CNTNAP2: variants seen among roughly 807,000 people sequenced by gnomAD.
CNTNAP2 encodes the protein contactin associated protein 2, also known as contactin-associated protein-like 2.
CNTNAP2 carries 98 observed loss-of-function variants against 155.2 expected under a neutral mutation model. The observed-to-expected ratio is 0.63, with a 90% CI of 0.54 to 0.75. CNTNAP2 has a LOEUF of 0.75. Among genes scored for constraint, CNTNAP2 ranks in the 30% least tolerant of loss-of-function variants. The probability of loss-of-function intolerance (pLI) is 0.00; values close to 1 mark genes in which losing one functional copy is unlikely to be tolerated. For missense variants in CNTNAP2, 1,727 were observed against 1,688.1 expected, an observed-to-expected ratio of 1.02 and a Z score of -0.40; for synonymous variants, 651 against 631.2, an observed-to-expected ratio of 1.03 and a Z score of -0.47.
intron 8 of CNTNAP2, among the ~76,000 whole-genome samples, chr7:147,230,464 G>A (rs1803654507): frequency 6.6e-6 from 1 of 152,116 alleles, no homozygotes; most frequent in Non-Finnish European, 1.5e-5. Flanking sequence ...TGCCATGTTG[G>A]CCAGGATGGA....
At chr7:146,244,543 G>C (rs1300641119) in intron 1 of CNTNAP2, among the ~76,000 whole-genome samples, 1 of 152,158 alleles carries the variant, frequency 6.6e-6, no homozygotes, top group Non-Finnish European at 1.5e-5. Flanking sequence ...TAAAAGTATT[G>C]TCCAGTCCTT....
rs530883710 is a variant in CNTNAP2 at position 146,847,424 on chromosome 7, C to A, written c.402+7520C>A. ...ACGCAGATTCTTTAAGCTTTCTGTGCCTAAAGTTCCCAACCTGTAAAATGG... is the reference window on the plus strand; with the variant it reads ...ACGCAGATTCTTTAAGCTTTCTGTGACTAAAGTTCCCAACCTGTAAAATGG... On this transcript the variant is annotated intron_variant, in intron 3 of 23. Coordinates refer to ENST00000361727, the MANE Select transcript of CNTNAP2 (RefSeq NM_014141.6). Among the ~76,000 whole-genome samples, 27 of 152,188 alleles carry A rather than the reference C, an allele frequency of 1.8e-4. 1 individual carries two copies. Among genetic ancestry groups the A allele is most frequent in the Middle Eastern group, 6.8e-3 (2 of 294 alleles).
chr7:146,226,571 G>C (rs1274862047), intron 1 of CNTNAP2, among the ~76,000 whole-genome samples: 1 of 152,118 alleles, frequency 6.6e-6, no homozygotes, highest in Non-Finnish European at 1.5e-5. Context: ...AGGTGGAAAG[G>C]ATTGCTTGAG....
At chr7:148,210,237 T>C (rs1470326113) in intron 18 of CNTNAP2, among the ~76,000 whole-genome samples, 1 of 152,212 alleles carries the variant, frequency 6.6e-6, no homozygotes, top group African/African-American at 2.4e-5. Context: ...AATCCACGAC[T>C]TTTGATTCTT....
intron 1 of CNTNAP2, among the ~76,000 whole-genome samples, chr7:146,162,511 G>A (rs1376505817): frequency 6.6e-6 from 1 of 152,134 alleles, no homozygotes; most frequent in Non-Finnish European, 1.5e-5. Context: ...GAAACAACAG[G>A]TGCTGTAGAG....
chr7:146,510,928 G>A (rs538642867), intron 1 of CNTNAP2, among the ~76,000 whole-genome samples: 12 of 152,072 alleles, frequency 7.9e-5, no homozygotes, highest in Admixed American at 3.9e-4. Flanking sequence ...AGGGAGTCTC[G>A]CTCTGTCACC....
At chr7:147,777,263 A>G (rs951873512) in intron 13 of CNTNAP2, among the ~76,000 whole-genome samples, 4 of 152,364 alleles carry the variant, frequency 2.6e-5, no homozygotes, top group African/African-American at 7.2e-5. Context: ...TAAGGACAGC[A>G]TATTATTTTT....
intron 1 of CNTNAP2, among the ~76,000 whole-genome samples, chr7:146,728,048 G>A (rs1405737192): frequency 6.6e-6 from 1 of 152,122 alleles, no homozygotes; most frequent in Non-Finnish European, 1.5e-5. Context: ...CGGTGGCAAA[G>A]AGCATCACGA....
chr7:148,061,329 T>G (rs528550229), intron 15 of CNTNAP2, among the ~76,000 whole-genome samples: 1 of 152,254 alleles, frequency 6.6e-6, no homozygotes, highest in Non-Finnish European at 1.5e-5. Context: ...TAAGATAGAA[T>G]TCCAAAGTGC....
chr7:147,440,418 T>C (rs570616266), intron 10 of CNTNAP2, among the ~76,000 whole-genome samples: 1 of 152,290 alleles, frequency 6.6e-6, no homozygotes, highest in South Asian at 2.1e-4. Flanking sequence ...TATATCACAC[T>C]GTACCATATG....
intron 1 of CNTNAP2, among the ~76,000 whole-genome samples, chr7:146,765,603 C>A (rs1802180784): frequency 6.6e-6 from 1 of 152,096 alleles, no homozygotes; most frequent in African/African-American, 2.4e-5. Context: ...ACATCAGGCA[C>A]CTGCCTTCCT....
intron 3 of CNTNAP2, among the ~76,000 whole-genome samples, chr7:146,988,483 C>G (rs1396459603): frequency 6.6e-6 from 1 of 152,060 alleles, no homozygotes; most frequent in Non-Finnish European, 1.5e-5. Context: ...GCCTGATATC[C>G]TTTGAAATGC....
intron 11 of CNTNAP2, among the ~76,000 whole-genome samples, chr7:147,559,942 G>A (rs111791112): frequency 0.033 from 5,004 of 150,972 alleles, 130 homozygotes; most frequent in African/African-American, 0.055. Context: ...AGGCCGAGGC[G>A]CAGATCACCT....
At chr7:147,390,433 G>C (rs1796693056) in intron 9 of CNTNAP2, among the ~76,000 whole-genome samples, 1 of 152,084 alleles carries the variant, frequency 6.6e-6, no homozygotes, top group African/African-American at 2.4e-5. Flanking sequence ...GCTTGGCTGG[G>C]CAGTTCTGAC....
At chr7:147,850,531 G>C (rs1054415360) in intron 13 of CNTNAP2, among the ~76,000 whole-genome samples, 1 of 152,140 alleles carries the variant, frequency 6.6e-6, no homozygotes, top group Non-Finnish European at 1.5e-5. Context: ...ACACTACAAG[G>C]CTACAGTAAC....
intron 1 of CNTNAP2, among the ~76,000 whole-genome samples, chr7:146,275,752 G>T (rs1461613726): frequency 6.6e-6 from 1 of 152,168 alleles, no homozygotes; most frequent in Non-Finnish European, 1.5e-5. Flanking sequence ...AATACTAGTC[G>T]ATTTAATGTG....
intron 9 of CNTNAP2, among the ~76,000 whole-genome samples, chr7:147,360,776 G>A (rs775399355): frequency 5.3e-5 from 8 of 151,938 alleles, no homozygotes; most frequent in Non-Finnish European, 8.8e-5. Context: ...CAGCCATTTC[G>A]ACCCCCCACC....
chr7:147,974,092 C>T (rs535308985), intron 14 of CNTNAP2, among the ~76,000 whole-genome samples: 117 of 152,056 alleles, frequency 7.7e-4, no homozygotes, highest in Admixed American at 1.3e-3. Context: ...AGTTCAAAAC[C>T]TACTAAAAGT....
At chr7:147,466,136 T>A (rs1798115674) in intron 10 of CNTNAP2, among the ~76,000 whole-genome samples, 1 of 152,164 alleles carries the variant, frequency 6.6e-6, no homozygotes, top group African/African-American at 2.4e-5. Context: ...ATGTCTACGT[T>A]CAACCAAGTG....
Sources: allele counts gnomAD v4.1 joint callset (sites outside exome capture counted in the v4.1 genomes callset), GRCh38; gene constraint gnomAD v4.1.1; transcripts MANE v1.5; gene names NCBI Gene and HGNC (gene_info 2026-07-23, HGNC 2026-07-21).